UNC5D: variants seen among roughly 807,000 people sequenced by gnomAD.
UNC5D encodes netrin receptor UNC5D.
A neutral mutation model predicts 105.4 loss-of-function variants in UNC5D; 39 were observed. The observed-to-expected ratio is 0.37, with a 90% CI of 0.29 to 0.48. The LOEUF (loss-of-function observed/expected upper bound fraction) is 0.48, where lower values mean the gene tolerates loss of function less well. Ranked by LOEUF, UNC5D falls within the 20% of genes least tolerant of loss-of-function variation. UNC5D has a pLI of 0.98. For missense variants in UNC5D, 991 were observed against 1,202.4 expected (o/e 0.82, Z 2.60); for synonymous variants, 452 against 450.4 (o/e 1.00, Z -0.04).
chr8:35,239,873 CCTT>C (rs1585390051), intron 1 of UNC5D, among the ~76,000 whole-genome samples: 1 of 152,050 alleles, frequency 6.6e-6, no homozygotes, highest in African/African-American at 2.4e-5. Flanking sequence ...TTTTCTCCCT[CCTT>C]CTTTCTTTTC....
intron 4 of UNC5D, among the ~76,000 whole-genome samples, chr8:35,663,651 A>G (rs963788089): frequency 3.9e-5 from 6 of 152,210 alleles, no homozygotes; most frequent in African/African-American, 1.4e-4. Flanking sequence ...TATGGTGTAT[A>G]CATGTGAATG....
chr8:35,278,621 T>A (rs1355007782), intron 1 of UNC5D, among the ~76,000 whole-genome samples: 3 of 152,070 alleles, frequency 2.0e-5, no homozygotes, highest in Non-Finnish European at 4.4e-5. Flanking sequence ...ATTATATATG[T>A]ATATGGTATA....
In UNC5D at chr8:35,626,644, C is replaced by A. The variant is rs569369729; in HGVS notation, c.570+30987C>A. On this transcript the variant is annotated intron_variant, in intron 4 of 16. Coordinates refer to ENST00000404895, the MANE Select transcript of UNC5D (RefSeq NM_080872.4). ...CAGAGCTAGCAAGGTACAATTTCCA[C>A]TTGCTGTGTTGCTATTACTTTCCCT... 1.1e-4 allele frequency among the ~76,000 whole-genome samples: 17 copies of A among 152,348 alleles called. No individual in the cohort carries two copies. The South Asian group carries it at 3.3e-3, about 30-fold the overall frequency.
At chr8:35,288,214 C>T (rs910841763) in intron 1 of UNC5D, among the ~76,000 whole-genome samples, 2 of 151,956 alleles carry the variant, frequency 1.3e-5, no homozygotes, top group Non-Finnish European at 2.9e-5. Flanking sequence ...AGAAAATAAG[C>T]ATATCACATT....
intron 1 of UNC5D, among the ~76,000 whole-genome samples, chr8:35,482,960 G>C (rs377763946): frequency 6.6e-6 from 1 of 151,424 alleles, no homozygotes; most frequent in East Asian, 1.9e-4. Flanking sequence ...CTGCCACCAC[G>C]CCCGGCTAAT....
chr8:35,616,661 T>C (rs1261442886), intron 4 of UNC5D, among the ~76,000 whole-genome samples: 1 of 152,198 alleles, frequency 6.6e-6, no homozygotes, highest in Non-Finnish European at 1.5e-5. Context: ...CTCCATCTCC[T>C]CTCCAATTTG....
In UNC5D at chr8:35,430,847, G is replaced by A. The variant is rs149481734; in HGVS notation, c.104-118445G>A. Among the ~76,000 whole-genome samples, 300 of 152,298 alleles carry A rather than the reference G, an allele frequency of 2.0e-3. 2 individuals carry two copies. Among genetic ancestry groups the A allele is most frequent in the Middle Eastern group, 3.4e-3 (1 of 292 alleles). ...ATCTACCTCAAAGCCCAGAGTAAGA[G>A]TGCAGAGTGACAGATGATGGAAGAA... On this transcript the variant is annotated intron_variant, in intron 1 of 16. Coordinates refer to ENST00000404895, the MANE Select transcript of UNC5D (RefSeq NM_080872.4).
At chr8:35,658,274 G>A (rs929647722) in intron 4 of UNC5D, among the ~76,000 whole-genome samples, 14 of 152,148 alleles carry the variant, frequency 9.2e-5, no homozygotes, top group Non-Finnish European at 1.6e-4. Context: ...TATTGTGTCA[G>A]CAAATAGATA....
At chr8:35,762,249 A>C (rs1241574483) in intron 14 of UNC5D, among the ~76,000 whole-genome samples, 2 of 152,146 alleles carry the variant, frequency 1.3e-5, no homozygotes, top group Non-Finnish European at 2.9e-5. Flanking sequence ...CTGCATGAGA[A>C]ATGTTTTTAG....
intron 1 of UNC5D, among the ~76,000 whole-genome samples, chr8:35,416,330 CTAAAG>C (rs1198137647): frequency 1.3e-5 from 2 of 152,078 alleles, no homozygotes; most frequent in African/African-American, 2.4e-5. Flanking sequence ...AAAAAACACT[CTAAAG>C]AGAAGTACAG....
intron 1 of UNC5D, among the ~76,000 whole-genome samples, chr8:35,547,504 G>A (rs1815782082): frequency 6.6e-6 from 1 of 152,026 alleles, no homozygotes; most frequent in Non-Finnish European, 1.5e-5. Flanking sequence ...TTGCCATGTT[G>A]GCCAGGCTGC....
At chr8:35,633,045 T>C (rs1437029198) in intron 4 of UNC5D, among the ~76,000 whole-genome samples, 1 of 152,196 alleles carries the variant, frequency 6.6e-6, no homozygotes, top group African/African-American at 2.4e-5. Flanking sequence ...TCTATGTCCC[T>C]GGTAATTTCC....
intron 4 of UNC5D, among the ~76,000 whole-genome samples, chr8:35,616,035 A>C (rs1331277042): frequency 6.6e-6 from 1 of 152,190 alleles, no homozygotes; most frequent in East Asian, 1.9e-4. Flanking sequence ...ATATACATCC[A>C]TTGAGAAACT....
At chr8:35,670,032 A>G (rs1824676651) in intron 4 of UNC5D, among the ~76,000 whole-genome samples, 1 of 152,154 alleles carries the variant, frequency 6.6e-6, no homozygotes, top group Non-Finnish European at 1.5e-5. Flanking sequence ...TAAGACGTGG[A>G]ACAGGGCCTA....
At chr8:35,391,825 T>C (rs1036334633) in intron 1 of UNC5D, among the ~76,000 whole-genome samples, 1 of 152,166 alleles carries the variant, frequency 6.6e-6, no homozygotes, top group Non-Finnish European at 1.5e-5. Context: ...CAAAGTGAGA[T>C]GAGTGGATGT....
At chr8:35,419,518 G>A (rs1019685438) in intron 1 of UNC5D, among the ~76,000 whole-genome samples, 2 of 152,202 alleles carry the variant, frequency 1.3e-5, no homozygotes, top group African/African-American at 4.8e-5. Context: ...CAGCAATCAT[G>A]GAGCCCCAAA....
At chr8:35,411,307 G>A (rs899410827) in intron 1 of UNC5D, among the ~76,000 whole-genome samples, 7 of 152,054 alleles carry the variant, frequency 4.6e-5, no homozygotes, top group African/African-American at 1.7e-4. Flanking sequence ...GTTTAAACCT[G>A]TTGCAAGTAT....
At chr8:35,678,179 A>G (rs1024074213) in intron 4 of UNC5D, among the ~76,000 whole-genome samples, 2 of 152,174 alleles carry the variant, frequency 1.3e-5, no homozygotes, top group Non-Finnish European at 2.9e-5. Context: ...TTGAGCATAC[A>G]TCATTTACAT....
chr8:35,625,129 A>C (rs1821627119), intron 4 of UNC5D, among the ~76,000 whole-genome samples: 1 of 152,190 alleles, frequency 6.6e-6, no homozygotes, highest in African/African-American at 2.4e-5. Flanking sequence ...CGTTGTGATG[A>C]GCTGTACAGC....
Sources: allele counts gnomAD v4.1 joint callset (sites outside exome capture counted in the v4.1 genomes callset), GRCh38; gene constraint gnomAD v4.1.1; transcripts MANE v1.5; gene names NCBI Gene and HGNC (gene_info 2026-07-23, HGNC 2026-07-21).